The following CCT3 variants were observed in gnomAD, a reference collection of about 807,000 sequenced individuals.
CCT3 encodes chaperonin containing TCP1 subunit 3.
In CCT3, 10 loss-of-function variants were observed where a neutral mutation model predicts 65.3. The observed-to-expected ratio is 0.15, with a 90% confidence interval of 0.09 to 0.26. The LOEUF is 0.26. Among genes scored for constraint, CCT3 ranks in the 10% least tolerant of loss-of-function variants. CCT3 has a pLI of 1.00. For synonymous variants in CCT3, 225 were observed against 242.3 expected, an observed-to-expected ratio of 0.93 and a Z score of 0.66; for missense variants, 626 against 708.7, an observed-to-expected ratio of 0.88 and a Z score of 1.33.
At position 156,317,245 on chromosome 1, in the gene CCT3, A is replaced by T. The variant is rs748336167; in HGVS notation, c.895T>A (p.Leu299Ile). 13 of 1,613,990 alleles carry T rather than the reference A, an allele frequency of 8.1e-6. No homozygotes were observed. Among genetic ancestry groups the T allele is most frequent in the African/African-American group, 2.7e-5 (2 of 74,940 alleles). Residue 299 changes from leucine to isoleucine, a missense_variant and splice_region_variant, in exon 10 of 14, where the codon TTA becomes ATA. Physicochemically the swap from Leu to Ile is conservative, Grantham distance 5 (BLOSUM62 2). Transcript: ENST00000295688. Reference protein sequence around the residue: ...VVITEKGISDLAQHYLMRANI... With the variant: ...VVITEKGISDIAQHYLMRANI... ...GCCCGCATAAGGTAGTGCTGAGCTAAATCTACAAATCCAAGAGTAGAGATG... is the reference window on the plus strand; with the variant it reads ...GCCCGCATAAGGTAGTGCTGAGCTATATCTACAAATCCAAGAGTAGAGATG...
intron 5 of CCT3, among the ~76,000 whole-genome samples, chr1:156,327,351 GACTGTACT>G (rs907444395): frequency 1.3e-5 from 2 of 152,054 alleles, no homozygotes; most frequent in African/African-American, 4.8e-5. Context: ...GCTGAAGCTG[GACTGTACT>G]ACTGCCATCT....
At chr1:156,316,568 T>C (rs777277608) in intron 10 of CCT3, among the ~76,000 whole-genome samples, 4 of 152,234 alleles carry the variant, frequency 2.6e-5, no homozygotes, top group Non-Finnish European at 5.9e-5. Context: ...AAATTAAAAA[T>C]GAATGAACTT....
At chr1:156,322,557 A>T (rs1017389655) in intron 6 of CCT3, among the ~76,000 whole-genome samples, 5 of 145,540 alleles carry the variant, frequency 3.4e-5, no homozygotes, top group African/African-American at 7.7e-5. Flanking sequence ...TTACTTGATT[A>T]AAAAAAAAAA....
At position 156,317,260 on chromosome 1, in the gene CCT3, G is replaced by A. The variant is rs773552681; in HGVS notation, c.893-13C>T. ...TGCTGAGCTAAATCTACAAATCCAA[G>A]AGTAGAGATGTCAAGCTGGGTTCTG... On this transcript the variant is annotated splice_polypyrimidine_tract_variant and intron_variant, in intron 9 of 13. Coordinates refer to ENST00000295688, the MANE Select transcript of CCT3 (RefSeq NM_005998.5). The A allele has an allele frequency of 6.2e-7, 1 of 1,613,098 alleles. No homozygotes were observed. Among genetic ancestry groups the A allele is most frequent in the East Asian group, 2.2e-5 (1 of 44,884 alleles).
intron 12 of CCT3, 75 bp downstream of exon 12, chr1:156,310,875 A>G (rs1225178621): frequency 1.3e-6 from 2 of 1,537,880 alleles, no homozygotes; most frequent in Non-Finnish European, 1.8e-6. Context: ...TTGGATAGCC[A>G]GATAAGAATC....
At chr1:156,331,890 G>C (rs192910787) in intron 5 of CCT3, among the ~76,000 whole-genome samples, 94 of 151,936 alleles carry the variant, frequency 6.2e-4, no homozygotes, top group Non-Finnish European at 1.1e-3. Flanking sequence ...AAATTAGCCA[G>C]GCATGGTGGC....
At chr1:156,313,625 A>G (rs1460113052) in intron 10 of CCT3, among the ~76,000 whole-genome samples, 12 of 152,158 alleles carry the variant, frequency 7.9e-5, no homozygotes, top group Admixed American at 7.9e-4. Context: ...TTTGTCCTTG[A>G]AGTCAGGAAG....
chr1:156,310,000 T>G (rs1233684382), intron 13 of CCT3, among the ~76,000 whole-genome samples: 1 of 127,312 alleles, frequency 7.9e-6, no homozygotes, highest in South Asian at 2.5e-4. Context: ...ACCATGCCAC[T>G]GCACTCCAGC....
chr1:156,335,102 C>T, intron 2 of CCT3, 184 bp from the exon 3 acceptor site: 4 of 554,502 alleles, frequency 7.2e-6, no homozygotes, highest in Non-Finnish European at 1.3e-5. Flanking sequence ...AACCCCTGGG[C>T]CCAAGTGATC....
chr1:156,309,215 T>C lies in CCT3; in HGVS notation c.1622A>G (p.Asp541Gly). ...DDQSRQGGAP[D>G]AGQE Reference sequence around the variant, plus strand: ...GCCTAGCACTCACTCCTGGCCAGCATCAGGAGCCCCGCCTTGCCGGCTCTG... The same window carrying C: ...GCCTAGCACTCACTCCTGGCCAGCACCAGGAGCCCCGCCTTGCCGGCTCTG... The change falls in exon 14 of 14, where the codon GAT (aspartate) becomes GGT (glycine). Residue 541 changes from aspartate (D) to glycine (G), a missense_variant. Transcript: ENST00000295688. 6.2e-7 allele frequency: 1 copy of C among 1,612,242 alleles called. No individual in the cohort carries two copies. Among genetic ancestry groups the C allele is most frequent in the Non-Finnish European group, 8.5e-7 (1 of 1,178,306 alleles).
chr1:156,317,062 T>TA (rs1664340924), intron 10 of CCT3, 104 bp downstream of exon 10: 2 of 994,524 alleles, frequency 2.0e-6, no homozygotes, highest in African/African-American at 3.2e-5. Flanking sequence ...TTCTACCTGT[T>TA]ACTATATCCT....
chr1:156,337,823 C>T (rs1199770502), intron 1 of CCT3: 1 of 389,420 alleles, frequency 2.6e-6, no homozygotes, highest in Non-Finnish European at 4.6e-6. Flanking sequence ...GTTATTCGTG[C>T]AGCTACATAG....
rs1482881574 is a variant in CCT3 at position 156,310,951 on chromosome 1, CG to C, written c.1399del (p.Arg467GlyfsTer14). On this transcript the variant is annotated frameshift_variant and splice_region_variant, in exon 12 of 14. Coordinates refer to ENST00000295688, the MANE Select transcript of CCT3 (RefSeq NM_005998.5). LOFTEE classifies it high-confidence loss of function. ...ASTIRLLTSLRAKHTQENCET... is the reference protein window; with the variant it reads ...ASTIRLLTSLXAKHTQENCET... ...AGAAAAGCTTGGAGAGGAACTCACC[CG>C]AAGGGAGGTAAGTAGACGGATGGTG... 1 of 1,613,392 alleles carries C rather than the reference CG, an allele frequency of 6.2e-7. No individual in the cohort carries two copies. Among genetic ancestry groups the C allele is most frequent in the East Asian group, 2.2e-5 (1 of 44,878 alleles).
Position 156,325,928 on chromosome 1 carries a change from TAAA to T in CCT3, c.305-842_305-840del, listed in dbSNP as rs978894629. On this transcript the variant is annotated intron_variant, in intron 5 of 13. Transcript: ENST00000295688. ...AAAAATTTCCCTGAAGGCTCTAAAA[TAAA>T]GAAAAATGCACAAAAGAAAAACTGA... Among the ~76,000 whole-genome samples, 27 of 151,992 alleles carry T rather than the reference TAAA, an allele frequency of 1.8e-4. 1 individual carries two copies. The highest frequency in any genetic ancestry group is 5.8e-4 in the African/African-American group (24 of 41,492).
At chr1:156,332,160 T>C (rs959003343) in intron 5 of CCT3, among the ~76,000 whole-genome samples, 1 of 152,164 alleles carries the variant, frequency 6.6e-6, no homozygotes, top group Non-Finnish European at 1.5e-5. Context: ...GGACTACAGG[T>C]GTGTGCCACC....
At chr1:156,328,512 A>G (rs1368156836) in intron 5 of CCT3, among the ~76,000 whole-genome samples, 1 of 151,874 alleles carries the variant, frequency 6.6e-6, no homozygotes, top group African/African-American at 2.4e-5. Context: ...TTCTGTACTA[A>G]GAAAAATTCT....
chr1:156,309,100 C>A lies in CCT3; in HGVS notation c.*99G>T, dbSNP rs909474802. The A allele has an allele frequency of 1.2e-6, 1 of 812,778 alleles. No homozygotes were observed. Among genetic ancestry groups the A allele is most frequent in the South Asian group, 1.4e-5 (1 of 69,720 alleles). 50.3% of individuals were successfully genotyped at this position (812,778 alleles called of 1,614,324 possible). A position where few individuals can be genotyped will look rare whatever the true frequency, so the allele number is the denominator to read the frequency against. ...ACTGGGGGCTGCCCCCCAACCTGAT[C>A]CCTTCTGAACAAAGACGTCCACAGT... is the stretch of plus-strand genomic sequence containing the variant. On this transcript the variant is annotated 3_prime_UTR_variant, in exon 14 of 14. Coordinates refer to ENST00000295688, the MANE Select transcript of CCT3 (RefSeq NM_005998.5).
Position 156,310,693 on chromosome 1 carries a change from C to T in CCT3, c.1402-4G>A. The T allele has an allele frequency of 6.2e-7, 1 of 1,611,020 alleles. No individual in the cohort carries two copies. The highest frequency in any genetic ancestry group is 8.5e-7 in the Non-Finnish European group (1 of 1,179,172). ...AGTTCTCCTGGGTGTGCTTGGCCTG[C>T]AATTGAAGCAAGAAGTAAAGGGGAA... On this transcript the variant is annotated splice_region_variant and splice_polypyrimidine_tract_variant and intron_variant, in intron 12 of 13. Transcript: ENST00000295688.
chr1:156,337,630 G>A (rs1037912546), intron 1 of CCT3: 3 of 166,658 alleles, frequency 1.8e-5, no homozygotes, highest in African/African-American at 2.4e-5. Flanking sequence ...AGTGACCAAG[G>A]ATATTACCTA....
Sources: allele counts gnomAD v4.1 joint callset (sites outside exome capture counted in the v4.1 genomes callset), GRCh38; gene constraint gnomAD v4.1.1; transcripts MANE v1.5; gene names NCBI Gene and HGNC (gene_info 2026-07-23, HGNC 2026-07-21).